The following PDCD6 variants were observed in gnomAD, a reference collection of about 807,000 sequenced individuals.
The protein encoded by PDCD6 is programmed cell death 6, also known as programmed cell death protein 6.
Under a neutral mutation model 28.3 loss-of-function variants are expected in PDCD6, and 12 were observed. The observed-to-expected ratio is 0.42, with a 90% CI of 0.27 to 0.69. The LOEUF is 0.69. Among genes scored for constraint, PDCD6 ranks in the 30% least tolerant of loss-of-function variants. The probability of loss-of-function intolerance (pLI) is 0.22; values close to 1 mark genes in which losing one functional copy is unlikely to be tolerated. For synonymous variants in PDCD6, 92 were observed against 108.0 expected (o/e 0.85, Z 0.92); for missense variants, 226 against 269.9 (o/e 0.84, Z 1.14).
At chr5:297,151 C>A (rs553970777) in intron 2 of PDCD6, among the ~76,000 whole-genome samples, 3 of 152,108 alleles carry the variant, frequency 2.0e-5, no homozygotes, top group African/African-American at 7.2e-5. Context: ...CTTCTCCCCA[C>A]GCATCCCAGG....
At chr5:284,011 C>A (rs1366513546) in intron 2 of PDCD6, among the ~76,000 whole-genome samples, 2 of 152,078 alleles carry the variant, frequency 1.3e-5, no homozygotes, top group Non-Finnish European at 2.9e-5. Context: ...GGTGTTGCAG[C>A]TGAAGACTCG....
chr5:272,124 G>T (rs1737860212), intron 1 of PDCD6, among the ~76,000 whole-genome samples: 1 of 151,322 alleles, frequency 6.6e-6, no homozygotes, highest in Non-Finnish European at 1.5e-5. Context: ...TTCCCAAGAT[G>T]CAGAGTGCGC....
chr5:292,338 A>C (rs1197149078), intron 2 of PDCD6, among the ~76,000 whole-genome samples: 1 of 152,200 alleles, frequency 6.6e-6, no homozygotes, highest in African/African-American at 2.4e-5. Flanking sequence ...AGCTCACTGC[A>C]ACCTCCACCT....
At chr5:311,167 T>A in intron 4 of PDCD6, 126 bp from the exon 5 acceptor site, 1 of 727,094 alleles carries the variant, frequency 1.4e-6, no homozygotes, top group Non-Finnish European at 2.4e-6. Context: ...GAATTTGCAC[T>A]TCCGTTCCCA....
At chr5:310,628 C>G (rs1740847799) in intron 4 of PDCD6, 1 of 152,546 alleles carries the variant, frequency 6.6e-6, no homozygotes, top group Non-Finnish European at 1.5e-5. Flanking sequence ...TGTGGGAGGC[C>G]TTTTTCAGGA....
intron 2 of PDCD6, chr5:276,057 G>A: frequency 1.7e-6 from 2 of 1,198,878 alleles, no homozygotes; most frequent in Non-Finnish European, 2.2e-6. Flanking sequence ...TGGCAACATT[G>A]TGAGACCCTG....
chr5:288,677 G>A (rs998730922), intron 2 of PDCD6, among the ~76,000 whole-genome samples: 2 of 151,810 alleles, frequency 1.3e-5, no homozygotes, highest in African/African-American at 4.9e-5. Context: ...CAGTTCTTAC[G>A]TGTACAACTC....
At chr5:300,740 T>G (rs1579529554) in intron 2 of PDCD6, among the ~76,000 whole-genome samples, 1 of 152,220 alleles carries the variant, frequency 6.6e-6, no homozygotes, top group Admixed American at 6.5e-5. Flanking sequence ...CCCGCTGTGG[T>G]TGGCAAGGAA....
chr5:302,613 C>CCT (rs1416581719), intron 2 of PDCD6, among the ~76,000 whole-genome samples: 41 of 145,978 alleles, frequency 2.8e-4, no homozygotes, highest in African/African-American at 4.1e-4. Context: ...TGTGTGTATG[C>CCT]CATGGGTTCA....
chr5:272,967 G>A lies in PDCD6; in HGVS notation c.163+195G>A. On this transcript the variant is annotated intron_variant, in intron 2 of 5. Coordinates refer to ENST00000264933, the MANE Select transcript of PDCD6 (RefSeq NM_013232.4). Reference sequence around the variant, plus strand: ...CTGTTACTGCTTGGAGTGCCTCACCGAGCCAGCTAACAACTGCGTGCGTGA... The same window carrying A: ...CTGTTACTGCTTGGAGTGCCTCACCAAGCCAGCTAACAACTGCGTGCGTGA... The A allele has an allele frequency of 5.6e-6, 6 of 1,073,704 alleles. 1 individual carries two copies. The highest frequency in any genetic ancestry group is 8.0e-6 in the Non-Finnish European group (6 of 751,278). The allele number at this position is 1,073,704 out of a possible 1,614,324, so 66.5% of individuals were successfully genotyped here. A position where few individuals can be genotyped will look rare whatever the true frequency, so the allele number is the denominator to read the frequency against.
intron 2 of PDCD6, among the ~76,000 whole-genome samples, chr5:295,768 C>A: frequency 6.8e-6 from 1 of 147,080 alleles, no homozygotes; most frequent in Non-Finnish European, 1.5e-5. Context: ...TGTTCCAGAT[C>A]CCGCTGCTCT....
intron 2 of PDCD6, among the ~76,000 whole-genome samples, chr5:290,568 G>T (rs1435791947): frequency 6.6e-6 from 1 of 152,214 alleles, no homozygotes; most frequent in African/African-American, 2.4e-5. Flanking sequence ...ACCCTAAAAA[G>T]TTATTTCTTG....
At chr5:282,738 T>C (rs1267528519) in intron 2 of PDCD6, among the ~76,000 whole-genome samples, 18 of 152,102 alleles carry the variant, frequency 1.2e-4, no homozygotes, top group Admixed American at 8.5e-4. Context: ...GTCATGGAAC[T>C]GGAGACCTGG....
At chr5:297,051 G>A (rs895886467) in intron 2 of PDCD6, among the ~76,000 whole-genome samples, 9 of 152,240 alleles carry the variant, frequency 5.9e-5, no homozygotes, top group Non-Finnish European at 1.0e-4. Flanking sequence ...TCTGGTGCTC[G>A]GCGCTGGAGG....
intron 2 of PDCD6, among the ~76,000 whole-genome samples, chr5:296,816 G>A (rs946110926): frequency 1.3e-5 from 2 of 152,078 alleles, no homozygotes; most frequent in African/African-American, 4.8e-5. Flanking sequence ...CTGAGAGTCT[G>A]TTTTCATCGA....
intron 5 of PDCD6, 186 bp downstream of exon 5, chr5:311,588 C>T (rs1740920643): frequency 3.5e-6 from 2 of 577,366 alleles, no homozygotes; most frequent in Middle Eastern, 4.5e-4. Flanking sequence ...TGTTTTCCTC[C>T]CCTTGGAAAT....
intron 2 of PDCD6, among the ~76,000 whole-genome samples, chr5:299,832 A>C (rs1050751311): frequency 9.2e-5 from 14 of 151,838 alleles, no homozygotes; most frequent in Non-Finnish European, 1.5e-4. Flanking sequence ...TACAGGCGCC[A>C]GCCACCGCGC....
At chr5:275,759 G>T (rs561094044) in intron 2 of PDCD6, among the ~76,000 whole-genome samples, 1 of 152,314 alleles carries the variant, frequency 6.6e-6, no homozygotes, top group East Asian at 1.9e-4. Context: ...CCCTTTCCGG[G>T]TTACCTGTGG....
chr5:288,311 T>TAC (rs1554006399), intron 2 of PDCD6, among the ~76,000 whole-genome samples: 184 of 144,890 alleles, frequency 1.3e-3, no homozygotes, highest in African/African-American at 2.5e-3. Context: ...TATATATATA[T>TAC]ACACATATGT....
Sources: allele counts gnomAD v4.1 joint callset (sites outside exome capture counted in the v4.1 genomes callset), GRCh38; gene constraint gnomAD v4.1.1; transcripts MANE v1.5; gene names NCBI Gene and HGNC (gene_info 2026-07-23, HGNC 2026-07-21).